Variants in ITCH observed in about 807,000 individuals in gnomAD.
The protein encoded by ITCH is E3 ubiquitin-protein ligase Itchy homolog.
ITCH carries 28 observed loss-of-function variants against 126.8 expected under a neutral mutation model. That is an observed-to-expected ratio of 0.22 (90% CI 0.16 to 0.30). The LOEUF is 0.30. Among genes scored for constraint, ITCH ranks in the 10% least tolerant of loss-of-function variants. The pLI is 1.00. For synonymous variants in ITCH, 342 were observed against 340.0 expected (o/e 1.01, Z -0.06); for missense variants, 631 against 1,032.4 (o/e 0.61, Z 5.33).
intron 13 of ITCH, among the ~76,000 whole-genome samples, chr20:34,460,753 C>G (rs535343683): frequency 1.3e-5 from 2 of 152,234 alleles, no homozygotes; most frequent in African/African-American, 4.8e-5. Context: ...TGTGTAGTGT[C>G]TCAACATCTG....
At chr20:34,506,451 C>CAGCAGGAGGTAAGTGGAGGGTGAATG (rs1255905024) in intron 24 of ITCH, among the ~76,000 whole-genome samples, 5 of 152,210 alleles carry the variant, frequency 3.3e-5, no homozygotes, top group African/African-American at 1.2e-4. Context: ...CTGGGCTGCA[C>CAGCAGGAGGTAAGTGGAGGGTGAATG]AGCAGGAGGT....
intron 8 of ITCH, among the ~76,000 whole-genome samples, chr20:34,438,927 G>GT (rs1305801811): frequency 1.5e-4 from 23 of 152,286 alleles, no homozygotes; most frequent in African/African-American, 5.5e-4. Flanking sequence ...TAAATGGTTT[G>GT]TAACTATAAC....
intron 6 of ITCH, among the ~76,000 whole-genome samples, chr20:34,415,637 A>G (rs1483601083): frequency 6.6e-6 from 1 of 152,114 alleles, no homozygotes; most frequent in Non-Finnish European, 1.5e-5. Flanking sequence ...GAAATTTCTG[A>G]AATGGTTATA....
At chr20:34,489,116 G>T in intron 20 of ITCH, 150 bp from the exon 21 acceptor site, 1 of 559,358 alleles carries the variant, frequency 1.8e-6, no homozygotes, top group Non-Finnish European at 3.1e-6. Flanking sequence ...GCATTGTGAT[G>T]AAGCTTGGAC....
intron 23 of ITCH, among the ~76,000 whole-genome samples, chr20:34,494,069 A>T (rs1989696442): frequency 6.6e-6 from 1 of 152,192 alleles, no homozygotes; most frequent in African/African-American, 2.4e-5. Context: ...TCTCTACTAA[A>T]AATACAAAAA....
chr20:34,387,412 C>T (rs919981607), intron 2 of ITCH, among the ~76,000 whole-genome samples: 1 of 152,038 alleles, frequency 6.6e-6, no homozygotes, highest in Non-Finnish European at 1.5e-5. Context: ...GGACGACTTA[C>T]TTGAGCCCAG....
At chr20:34,413,468 T>C (rs1214886654) in intron 5 of ITCH, among the ~76,000 whole-genome samples, 2 of 152,088 alleles carry the variant, frequency 1.3e-5, no homozygotes, top group Non-Finnish European at 2.9e-5. Flanking sequence ...TTTTATACTA[T>C]AGTCTTACAA....
intron 6 of ITCH, among the ~76,000 whole-genome samples, chr20:34,415,230 C>T (rs1054311029): frequency 9.2e-5 from 14 of 152,260 alleles, no homozygotes; most frequent in African/African-American, 2.9e-4. Flanking sequence ...TGTTGAAAGA[C>T]TTCCTACTTC....
rs1981766806 is a variant in ITCH at position 34,427,900 on chromosome 20, G to T, written c.521+3375G>T. ...TTTTCTGCAAGTCTCTTTCTTAACA[G>T]TATTTTCATCAAACCACTTGTACTC... is the stretch of plus-strand genomic sequence containing the variant. On this transcript the variant is annotated intron_variant, in intron 7 of 24. Transcript: ENST00000374864. Among the ~76,000 whole-genome samples the T allele has an allele frequency of 7.9e-5, 12 of 152,264 alleles. No individual in the cohort carries two copies. The South Asian group carries it at 2.5e-3, about 32-fold the overall frequency.
chr20:34,450,819 C>T (rs1310942649), intron 12 of ITCH: 1 of 152,186 alleles, frequency 6.6e-6, no homozygotes, highest in Non-Finnish European at 1.5e-5. Context: ...GTCAAGATCA[C>T]ATGAGTCTGG....
chr20:34,386,864 C>A (rs1484195246), intron 2 of ITCH, among the ~76,000 whole-genome samples: 1 of 152,106 alleles, frequency 6.6e-6, no homozygotes, highest in African/African-American at 2.4e-5. Context: ...GTATGTCTAT[C>A]CCTTTCCACA....
chr20:34,454,141 C>CT (rs1296651082), intron 12 of ITCH, among the ~76,000 whole-genome samples: 391 of 142,362 alleles, frequency 2.7e-3, no homozygotes, highest in East Asian at 2.4e-3. Flanking sequence ...TTATGTTTTT[C>CT]TTTTTTTTTT....
At chr20:34,462,262 G>A in intron 14 of ITCH, 41 bp downstream of exon 14, 1 of 1,592,642 alleles carries the variant, frequency 6.3e-7, no homozygotes, top group Non-Finnish European at 8.6e-7. Context: ...TAAAATACTA[G>A]TCCTTCAGAT....
At chr20:34,494,828 A>G (rs529588321) in intron 23 of ITCH, among the ~76,000 whole-genome samples, 2 of 151,992 alleles carry the variant, frequency 1.3e-5, no homozygotes, top group Non-Finnish European at 2.9e-5. Context: ...GCGTGGTGGT[A>G]CATGCCTGTA....
At position 34,424,590 on chromosome 20, in the gene ITCH, G is replaced by T. The variant is rs1981239446; in HGVS notation, c.521+65G>T. 6.1e-6 allele frequency: 8 copies of T among 1,307,266 alleles called. No homozygotes were observed. The Admixed American group carries it at 8.4e-5, about 14-fold the overall frequency. The allele number at this position is 1,307,266 out of a possible 1,614,324, so 81.0% of individuals were successfully genotyped here. A position where few individuals can be genotyped will look rare whatever the true frequency, so the allele number is the denominator to read the frequency against. On this transcript the variant is annotated intron_variant, in intron 7 of 24. Transcript: ENST00000374864. ...ATAGATTTCCTAAATATTCATTTTA[G>T]TGTAAACTTCAGGTTCATGATATAA...
intron 2 of ITCH, among the ~76,000 whole-genome samples, chr20:34,372,488 C>A (rs2037677520): frequency 6.9e-6 from 1 of 144,398 alleles, no homozygotes; most frequent in Non-Finnish European, 1.5e-5. Context: ...TCAAGCAATT[C>A]TCCTGCCTCA....
chr20:34,460,218 T>G (rs1986380727), intron 13 of ITCH, among the ~76,000 whole-genome samples: 1 of 152,122 alleles, frequency 6.6e-6, no homozygotes, highest in Admixed American at 6.6e-5. Flanking sequence ...AGACAAGGTC[T>G]CAGTCTGTCA....
chr20:34,450,301 T>C (rs1484647155), intron 12 of ITCH, among the ~76,000 whole-genome samples: 2 of 152,178 alleles, frequency 1.3e-5, no homozygotes, highest in African/African-American at 4.8e-5. Flanking sequence ...AATAAAAAGC[T>C]TTTTAAAAAA....
At chr20:34,411,595 G>A (rs1031742855) in intron 4 of ITCH, among the ~76,000 whole-genome samples, 3 of 152,154 alleles carry the variant, frequency 2.0e-5, no homozygotes, top group Admixed American at 6.5e-5. Context: ...ACCCATTGCC[G>A]TTGAAATGGT....
Sources: gnomAD v4.1 joint callset for allele counts (sites outside exome capture counted in the v4.1 genomes callset) on GRCh38, gnomAD v4.1.1 for gene constraint, MANE v1.5 for transcripts, NCBI Gene and HGNC (gene_info 2026-07-23, HGNC 2026-07-21) for gene names.